The following BBS9 variants were observed in gnomAD, a reference collection of about 807,000 sequenced individuals.
BBS9 encodes protein PTHB1.
In BBS9, 89 loss-of-function variants were observed where a neutral mutation model predicts 117.7. That is an observed-to-expected ratio of 0.76 (90% confidence interval 0.64 to 0.90). The LOEUF is 0.90. Ranked by LOEUF, BBS9 falls within the 40% of genes least tolerant of loss-of-function variation. The pLI is 0.00. For missense variants in BBS9, 982 were observed against 1,042.2 expected (o/e 0.94, Z 0.80); for synonymous variants, 379 against 370.9 (o/e 1.02, Z -0.25).
chr7:33,534,163 C>T lies in BBS9; in HGVS notation c.2508C>T (p.Thr836=). Residue 836 remains threonine (T), a synonymous_variant, in exon 21 of 23, where the codon ACC becomes ACT. Transcript: ENST00000242067. The part of the protein sequence containing the change: ...CLSTDAAAPQ[T]MVMPGGCTTI... ...GTACCGATGCAGCAGCCCCACAGAC[C>T]ATGGTCATGCCAGGTAAGAGCTCTG... 1 of 1,614,104 alleles carries T rather than the reference C, an allele frequency of 6.2e-7. No homozygotes were observed. Among genetic ancestry groups the T allele is most frequent in the Non-Finnish European group, 8.5e-7 (1 of 1,179,996 alleles).
At chr7:33,374,053 C>T (rs145918781) in intron 17 of BBS9, among the ~76,000 whole-genome samples, 140 of 152,126 alleles carry the variant, frequency 9.2e-4, no homozygotes, top group African/African-American at 3.3e-3. Context: ...TTGTGGAGCT[C>T]CTACACTAAT....
chr7:33,576,243 G>C (rs764536295), intron 21 of BBS9, among the ~76,000 whole-genome samples: 9 of 152,148 alleles, frequency 5.9e-5, no homozygotes, highest in Non-Finnish European at 8.8e-5. Context: ...GAAATCACAA[G>C]CATTCCTATA....
chr7:33,390,223 G>C, intron 19 of BBS9: 1 of 984,604 alleles, frequency 1.0e-6, no homozygotes, highest in Non-Finnish European at 1.2e-6. Context: ...TAATGATGCT[G>C]TATCTTTTTG....
At position 33,600,478 on chromosome 7, in the gene BBS9, C is replaced by T. The variant is rs534993903; in HGVS notation, c.2522-4387C>T. On this transcript the variant is annotated intron_variant, in intron 21 of 22. Transcript: ENST00000242067. ...GTATAGAAACTTGTGTAAGCCTTAG[C>T]AAATACCATATCTCTTGGTTTTATT... 1.0e-3 allele frequency among the ~76,000 whole-genome samples: 157 copies of T among 152,092 alleles called. 1 individual carries two copies. The highest frequency in any genetic ancestry group is 3.7e-3 in the African/African-American group (154 of 41,470).
intron 19 of BBS9, among the ~76,000 whole-genome samples, chr7:33,450,106 A>G (rs996799944): frequency 6.6e-6 from 1 of 152,162 alleles, no homozygotes; most frequent in Non-Finnish European, 1.5e-5. Flanking sequence ...GATACCTCAT[A>G]AGTAGAATCG....
chr7:33,311,836 T>C (rs1809315423), intron 9 of BBS9, among the ~76,000 whole-genome samples: 1 of 151,742 alleles, frequency 6.6e-6, no homozygotes, highest in Non-Finnish European at 1.5e-5. Flanking sequence ...AAAGTGTCTA[T>C]ATATTAACCT....
chr7:33,221,140 GT>G (rs1205838765), intron 5 of BBS9, among the ~76,000 whole-genome samples: 3 of 152,088 alleles, frequency 2.0e-5, no homozygotes, highest in Non-Finnish European at 4.4e-5. Context: ...TGTGTTGGTT[GT>G]TTCTGCTTGT....
intron 21 of BBS9, among the ~76,000 whole-genome samples, chr7:33,619,580 A>G (rs1865305879): frequency 6.6e-6 from 1 of 152,170 alleles, no homozygotes; most frequent in South Asian, 2.1e-4. Flanking sequence ...CACATGGAAC[A>G]TTACCCAGGA....
intron 19 of BBS9, among the ~76,000 whole-genome samples, chr7:33,410,479 A>T (rs1404670407): frequency 6.6e-6 from 1 of 152,008 alleles, no homozygotes; most frequent in Non-Finnish European, 1.5e-5. Context: ...CTAAGTAGTG[A>T]CTCAGCCCCC....
chr7:33,480,781 T>G (rs1563233952), intron 19 of BBS9, among the ~76,000 whole-genome samples: 1 of 4,786 alleles, frequency 2.1e-4, no homozygotes, highest in East Asian at 7.9e-3. Flanking sequence ...AAATCTCATC[T>G]TGAATTGTAT....
chr7:33,388,185 A>C, intron 19 of BBS9, 41 bp downstream of exon 19: 1 of 1,606,774 alleles, frequency 6.2e-7, no homozygotes. Context: ...TACTGGCTAT[A>C]CTTTTTTTTG....
chr7:33,426,045 AG>A (rs1833613692), intron 19 of BBS9, among the ~76,000 whole-genome samples: 1 of 146,590 alleles, frequency 6.8e-6, no homozygotes. Context: ...TATAAGGTCC[AG>A]TTTGTGGAGT....
At chr7:33,229,410 C>CATAGA (rs1791906530) in intron 5 of BBS9, among the ~76,000 whole-genome samples, 1 of 152,046 alleles carries the variant, frequency 6.6e-6, no homozygotes, top group Non-Finnish European at 1.5e-5. Context: ...CCCTGGAAAC[C>CATAGA]ACTGTTTTGT....
At chr7:33,492,202 C>CA (rs1563251353) in intron 19 of BBS9, among the ~76,000 whole-genome samples, 12 of 41,070 alleles carry the variant, frequency 2.9e-4, no homozygotes, top group African/African-American at 1.5e-3. Context: ...GATTCCACCT[C>CA]GAAAAAAAAA....
At chr7:33,329,038 G>A (rs1353014535) in intron 9 of BBS9, among the ~76,000 whole-genome samples, 1 of 105,066 alleles carries the variant, frequency 9.5e-6, no homozygotes, top group African/African-American at 3.2e-5. Flanking sequence ...TGTTTATTTA[G>A]AAACGGAGTT....
intron 1 of BBS9, among the ~76,000 whole-genome samples, chr7:33,143,160 G>A (rs541673797): frequency 2.6e-5 from 4 of 151,960 alleles, no homozygotes; most frequent in African/African-American, 4.8e-5. Context: ...TAGTAGAGAC[G>A]GGGTATCACT....
At chr7:33,177,895 A>G (rs1797564046) in intron 5 of BBS9, 1 of 301,408 alleles carries the variant, frequency 3.3e-6, no homozygotes, top group South Asian at 4.0e-5. Flanking sequence ...TTTTTATATA[A>G]CCAGCATATT....
intron 5 of BBS9, among the ~76,000 whole-genome samples, chr7:33,183,593 C>T (rs558852228): frequency 2.6e-5 from 4 of 152,296 alleles, no homozygotes; most frequent in South Asian, 2.1e-4. Flanking sequence ...TACTAAGCTA[C>T]AGCACTGGAC....
intron 5 of BBS9, among the ~76,000 whole-genome samples, chr7:33,246,330 T>A (rs748436358): frequency 1.1e-4 from 16 of 151,740 alleles, no homozygotes; most frequent in Non-Finnish European, 1.8e-4. Context: ...AATTAATTGG[T>A]CACAGTGAGT....
Sources: gnomAD v4.1 joint callset for allele counts (sites outside exome capture counted in the v4.1 genomes callset) on GRCh38, gnomAD v4.1.1 for gene constraint, MANE v1.5 for transcripts, NCBI Gene and HGNC (gene_info 2026-07-23, HGNC 2026-07-21) for gene names.